The following TTC17 variants were observed in gnomAD, a reference collection of about 807,000 sequenced individuals.
TTC17 encodes tetratricopeptide repeat protein 17.
In TTC17, 58 loss-of-function variants were observed where a neutral mutation model predicts 143.8. The ratio of observed to expected loss-of-function variants is 0.40; its 90% CI spans 0.33 to 0.50. The LOEUF (loss-of-function observed/expected upper bound fraction) is 0.50. TTC17 is among the 20% of genes least tolerant of loss of function. The pLI is 0.49. For missense variants in TTC17, 1,273 were observed against 1,392.5 expected (o/e 0.91, Z 1.37); for synonymous variants, 501 against 497.8 (o/e 1.01, Z -0.09).
chr11:43,466,008 G>A (rs1181407616), intron 21 of TTC17, among the ~76,000 whole-genome samples: 2 of 152,172 alleles, frequency 1.3e-5, no homozygotes, highest in Non-Finnish European at 2.9e-5. Flanking sequence ...TACAGACTAG[G>A]AGAAAATATT....
Position 43,477,765 on chromosome 11 carries a change from A to G in TTC17, c.3031-12474A>G, listed in dbSNP as rs993848418. Among the ~76,000 whole-genome samples the G allele has an allele frequency of 3.3e-5, 5 of 152,174 alleles. No individual in the cohort carries two copies. The East Asian group carries it at 5.8e-4, about 18-fold the overall frequency. On this transcript the variant is annotated intron_variant, in intron 21 of 23. Coordinates refer to ENST00000039989, the MANE Select transcript of TTC17 (RefSeq NM_018259.6). ...ATCACATGGGAATAGTTTTTTTTCAATGTAGATATAATTAAAAGTAAAAAG... is the reference window on the plus strand; with the variant it reads ...ATCACATGGGAATAGTTTTTTTTCAGTGTAGATATAATTAAAAGTAAAAAG...
intron 23 of TTC17, 50 bp downstream of exon 23, chr11:43,492,213 C>T: frequency 6.4e-7 from 1 of 1,567,882 alleles, no homozygotes; most frequent in South Asian, 1.2e-5. Flanking sequence ...AACAGTAGCA[C>T]ATCTTTGATT....
chr11:43,405,611 C>T lies in TTC17; in HGVS notation c.1577C>T (p.Pro526Leu), dbSNP rs372832338. Residue 526 changes from proline to leucine, a missense_variant, in exon 12 of 24, where the codon CCG becomes CTG. By Grantham distance (98) the Pro-to-Leu change is moderately conservative. Coordinates refer to ENST00000039989, the MANE Select transcript of TTC17 (RefSeq NM_018259.6). ...GAATTGCCAACGTATTTTCTGCCTCCGGAAAACAAAGGACTCAGGCAAGTG... is the reference window on the plus strand; with the variant it reads ...GAATTGCCAACGTATTTTCTGCCTCTGGAAAACAAAGGACTCAGGCAAGTG... ...GGELPTYFLPPENKGLRIHEL... is the reference protein window; with the variant it reads ...GGELPTYFLPLENKGLRIHEL... 162 of 1,613,718 alleles carry T rather than the reference C, an allele frequency of 1.0e-4. 1 individual carries two copies. The highest frequency in any genetic ancestry group is 2.0e-4 in the East Asian group (9 of 44,878).
At chr11:43,436,214 T>G in intron 16 of TTC17, 1 of 1,477,036 alleles carries the variant, frequency 6.8e-7, no homozygotes, top group East Asian at 2.5e-5. Context: ...ACAGAAATAT[T>G]TTGACAACTC....
At chr11:43,417,839 C>T (rs982114223) in intron 16 of TTC17, among the ~76,000 whole-genome samples, 1 of 152,142 alleles carries the variant, frequency 6.6e-6, no homozygotes, top group Non-Finnish European at 1.5e-5. Context: ...AGTGACAGAG[C>T]GAGACTCCGT....
At chr11:43,484,328 C>G (rs1948342201) in intron 21 of TTC17, among the ~76,000 whole-genome samples, 1 of 152,044 alleles carries the variant, frequency 6.6e-6, no homozygotes, top group Non-Finnish European at 1.5e-5. Context: ...TACAGCAGCA[C>G]AAAATTTAAA....
intron 21 of TTC17, 84 bp downstream of exon 21, chr11:43,451,349 C>A: frequency 8.2e-7 from 1 of 1,222,026 alleles, no homozygotes; most frequent in Non-Finnish European, 1.2e-6. Flanking sequence ...GTGTCTGTAA[C>A]CTCTTCTGTT....
At chr11:43,415,074 A>G (rs1162263814) in intron 16 of TTC17, among the ~76,000 whole-genome samples, 1 of 152,200 alleles carries the variant, frequency 6.6e-6, no homozygotes, top group Non-Finnish European at 1.5e-5. Flanking sequence ...CTGGTGTTTT[A>G]TAATAACTGA....
intron 2 of TTC17, among the ~76,000 whole-genome samples, chr11:43,384,294 C>G (rs1857090920): frequency 6.6e-6 from 1 of 152,092 alleles, no homozygotes; most frequent in African/African-American, 2.4e-5. Flanking sequence ...GTTCACAGTT[C>G]CTTATTTGAA....
chr11:43,443,876 C>A (rs187605676), intron 17 of TTC17, among the ~76,000 whole-genome samples, 180 bp from the exon 18 acceptor site: 1 of 152,264 alleles, frequency 6.6e-6, no homozygotes, highest in Non-Finnish European at 1.5e-5. Flanking sequence ...ATACATTCTT[C>A]GAGACTAGGT....
chr11:43,386,874 T>C lies in TTC17; in HGVS notation c.250-2778T>C, dbSNP rs553556118. Among the ~76,000 whole-genome samples, 12 of 152,210 alleles carry C rather than the reference T, an allele frequency of 7.9e-5. No individual in the cohort carries two copies. The South Asian group carries it at 2.1e-3, about 26-fold the overall frequency. On this transcript the variant is annotated intron_variant, in intron 2 of 23. Coordinates refer to ENST00000039989, the MANE Select transcript of TTC17 (RefSeq NM_018259.6). ...ATGATCATTGCTCACTATAACCTCA[T>C]TGCCTGGGCTCAAGCAGTCCTCCTA... is the stretch of plus-strand genomic sequence containing the variant.
chr11:43,459,692 T>C lies in TTC17; in HGVS notation c.3030+8427T>C, dbSNP rs190413121. 1.6e-3 allele frequency among the ~76,000 whole-genome samples: 245 copies of C among 152,332 alleles called. 1 individual carries two copies. Among genetic ancestry groups the C allele is most frequent in the African/African-American group, 5.7e-3 (238 of 41,578 alleles). On this transcript the variant is annotated intron_variant, in intron 21 of 23. Coordinates refer to ENST00000039989, the MANE Select transcript of TTC17 (RefSeq NM_018259.6). ...TGAAGTACAGGTGGTCGTCCACTTATGATGGTTCAACTTAGAATTCTTTTA... is the reference window on the plus strand; with the variant it reads ...TGAAGTACAGGTGGTCGTCCACTTACGATGGTTCAACTTAGAATTCTTTTA...
chr11:43,379,405 T>C (rs1856879183), intron 2 of TTC17, 83 bp downstream of exon 2: 1 of 1,279,078 alleles, frequency 7.8e-7, no homozygotes, highest in African/African-American at 1.5e-5. Context: ...AGCTAAAGCA[T>C]ATTATTTTTT....
chr11:43,359,239 C>T (rs1321576647), intron 1 of TTC17, 126 bp downstream of exon 1: 2 of 1,229,694 alleles, frequency 1.6e-6, no homozygotes, highest in East Asian at 3.2e-5. Context: ...GGAGGTGGCA[C>T]CGCGACCTCG....
chr11:43,386,231 T>TA (rs955167289), intron 2 of TTC17, among the ~76,000 whole-genome samples: 16 of 151,214 alleles, frequency 1.1e-4, no homozygotes, highest in Non-Finnish European at 1.5e-4. Flanking sequence ...AACTTTTTAC[T>TA]AAAAAAAAAT....
chr11:43,444,544 C>CA (rs1263622518), intron 18 of TTC17: 1 of 171,022 alleles, frequency 5.8e-6, no homozygotes, highest in Admixed American at 6.3e-5. Context: ...GAAAGTACCA[C>CA]AAAATAAGAC....
At chr11:43,364,563 G>A (rs557273395) in intron 1 of TTC17, among the ~76,000 whole-genome samples, 1 of 152,266 alleles carries the variant, frequency 6.6e-6, no homozygotes, top group Admixed American at 6.5e-5. Context: ...AGAGGTCATG[G>A]TGGTTATTCA....
chr11:43,440,025 C>G (rs955438994), intron 16 of TTC17, among the ~76,000 whole-genome samples: 3 of 152,194 alleles, frequency 2.0e-5, no homozygotes, highest in Non-Finnish European at 4.4e-5. Flanking sequence ...CAGTTTATAT[C>G]ATACCATCTG....
chr11:43,439,042 T>C (rs1241933594), intron 16 of TTC17, among the ~76,000 whole-genome samples: 1 of 152,258 alleles, frequency 6.6e-6, no homozygotes, highest in Admixed American at 6.5e-5. Context: ...TAATAGCACA[T>C]TCCCTTAGGC....
Sources: gnomAD v4.1 joint callset for allele counts (sites outside exome capture counted in the v4.1 genomes callset) on GRCh38, gnomAD v4.1.1 for gene constraint, MANE v1.5 for transcripts, NCBI Gene and HGNC (gene_info 2026-07-23, HGNC 2026-07-21) for gene names.